The following ASTN2 variants were observed in gnomAD, a reference collection of about 807,000 sequenced individuals.
The protein encoded by ASTN2 is astrotactin 2, also known as astrotactin-2.
In ASTN2, 54 loss-of-function variants were observed where a neutral mutation model predicts 139.8. The ratio of observed to expected loss-of-function variants is 0.39; its 90% CI spans 0.31 to 0.48. The LOEUF is 0.48. ASTN2 is among the 20% of genes least tolerant of loss of function. The pLI, the probability that ASTN2 is intolerant of heterozygous loss-of-function variation, is 0.95. For synonymous variants in ASTN2, 756 were observed against 719.5 expected, an observed-to-expected ratio of 1.05 and a Z score of -0.81; for missense variants, 1,565 against 1,725.1, an observed-to-expected ratio of 0.91 and a Z score of 1.64.
chr9:117,358,247 T>G (rs1274443542), intron 1 of ASTN2, among the ~76,000 whole-genome samples: 3 of 141,678 alleles, frequency 2.1e-5, no homozygotes, highest in Non-Finnish European at 4.5e-5. Flanking sequence ...GTAATACATA[T>G]GCATACATGT....
intron 11 of ASTN2, among the ~76,000 whole-genome samples, chr9:116,830,406 G>A (rs978692568): frequency 1.3e-5 from 1 of 76,894 alleles, no homozygotes; most frequent in Non-Finnish European, 2.7e-5. Flanking sequence ...AAGGAAGACA[G>A]TATGAAGGTT....
At chr9:116,903,439 C>T (rs1301636243) in intron 10 of ASTN2, among the ~76,000 whole-genome samples, 1 of 152,148 alleles carries the variant, frequency 6.6e-6, no homozygotes, top group Non-Finnish European at 1.5e-5. Context: ...ACAGTATCTC[C>T]CATCTCACAC....
At chr9:116,662,039 A>T (rs1171364191) in intron 16 of ASTN2, among the ~76,000 whole-genome samples, 5 of 151,714 alleles carry the variant, frequency 3.3e-5, no homozygotes, top group Admixed American at 2.0e-4. Context: ...TATATATATA[A>T]AAGGTGACAA....
chr9:117,345,547 A>G (rs1373512177), intron 1 of ASTN2, among the ~76,000 whole-genome samples: 1 of 152,198 alleles, frequency 6.6e-6, no homozygotes, highest in Admixed American at 6.5e-5. Flanking sequence ...CACAGCTGAT[A>G]GGTGGCAGAG....
chr9:117,162,269 G>T (rs1437205085), intron 3 of ASTN2, among the ~76,000 whole-genome samples: 1 of 152,050 alleles, frequency 6.6e-6, no homozygotes, highest in African/African-American at 2.4e-5. Flanking sequence ...GGAGGTGAGT[G>T]CCTGCTCTCT....
In ASTN2 at chr9:116,427,542, A is replaced by G. The variant is rs28416815; in HGVS notation, c.3783-1454T>C. ...GATGCCAGGCACCCTGGGAGGCTAC[A>G]TGAGAGGTTCTCTCTCCTGCTGTCC... On this transcript the variant is annotated intron_variant, in intron 22 of 22. Transcript: ENST00000313400. 5.1e-3 allele frequency among the ~76,000 whole-genome samples: 771 copies of G among 152,356 alleles called. 4 individuals are homozygous for G. The highest frequency in any genetic ancestry group is 0.018 in the African/African-American group (738 of 41,586).
intron 17 of ASTN2, among the ~76,000 whole-genome samples, chr9:116,627,462 G>T (rs897935630): frequency 6.6e-6 from 1 of 152,194 alleles, no homozygotes; most frequent in African/African-American, 2.4e-5. Context: ...CAAGTTGCCT[G>T]CATTTGGTCC....
intron 8 of ASTN2, 76 bp from the exon 9 acceptor site, chr9:116,976,264 A>G: frequency 8.1e-7 from 1 of 1,232,264 alleles, no homozygotes; most frequent in Non-Finnish European, 1.2e-6. Context: ...ACACTGCTCT[A>G]GAGTAGCTTT....
intron 11 of ASTN2, among the ~76,000 whole-genome samples, chr9:116,853,068 A>C (rs941762251): frequency 6.6e-6 from 1 of 152,210 alleles, no homozygotes; most frequent in Admixed American, 6.5e-5. Context: ...TTAAAATTAC[A>C]TATATAAATT....
rs1230173583 is a variant in ASTN2 at position 117,016,701 on chromosome 9, CAT to C, written c.1424-8444_1424-8443del. ...ATATATAGGTTATATATATATGTTACATATATATAGGTTATATATATATGTTA... is the reference window on the plus strand; with the variant it reads ...ATATATAGGTTATATATATATGTTACATATATAGGTTATATATATATGTTA... On this transcript the variant is annotated intron_variant, in intron 6 of 22. Transcript: ENST00000313400. Among the ~76,000 whole-genome samples, 69 of 125,878 alleles carry C rather than the reference CAT, an allele frequency of 5.5e-4. No individual in the cohort carries two copies. The East Asian group carries it at 5.6e-3, about 10-fold the overall frequency. The allele number at this position is 125,878 out of a possible 152,430, so 82.6% of individuals were successfully genotyped here. A position where few individuals can be genotyped will look rare whatever the true frequency, so the allele number is the denominator to read the frequency against.
intron 10 of ASTN2, among the ~76,000 whole-genome samples, chr9:116,915,272 T>A (rs1834410158): frequency 6.6e-6 from 1 of 152,308 alleles, no homozygotes; most frequent in South Asian, 2.1e-4. Flanking sequence ...GACAAACTTC[T>A]TGGGAAGAGG....
At chr9:116,835,643 G>A (rs1266909791) in intron 11 of ASTN2, among the ~76,000 whole-genome samples, 2 of 152,126 alleles carry the variant, frequency 1.3e-5, no homozygotes, top group African/African-American at 4.8e-5. Flanking sequence ...TTTGTAAAAT[G>A]TATAAAACAA....
At chr9:116,697,852 T>C (rs775576184) in intron 16 of ASTN2, 1 of 1,614,232 alleles carries the variant, frequency 6.2e-7, no homozygotes, top group Non-Finnish European at 8.5e-7. Context: ...CCCAAGCTTC[T>C]GCACTGTGGC....
chr9:117,021,021 C>A (rs867051370), intron 6 of ASTN2, among the ~76,000 whole-genome samples: 1 of 152,112 alleles, frequency 6.6e-6, no homozygotes, highest in Non-Finnish European at 1.5e-5. Flanking sequence ...AACTGTCCCA[C>A]CTCAGCCTCC....
chr9:116,526,029 C>G (rs1166535420), intron 19 of ASTN2, among the ~76,000 whole-genome samples: 1 of 152,140 alleles, frequency 6.6e-6, no homozygotes, highest in African/African-American at 2.4e-5. Flanking sequence ...TGACATCCTA[C>G]TCATTTCTAA....
At chr9:117,350,682 A>C (rs578027418) in intron 1 of ASTN2, among the ~76,000 whole-genome samples, 2 of 152,316 alleles carry the variant, frequency 1.3e-5, no homozygotes, top group South Asian at 4.1e-4. Context: ...TGTGTATTTG[A>C]TATGATGGCA....
chr9:116,669,746 T>C (rs1389629615), intron 16 of ASTN2, among the ~76,000 whole-genome samples: 1 of 152,190 alleles, frequency 6.6e-6, no homozygotes, highest in Non-Finnish European at 1.5e-5. Flanking sequence ...ACATTGTCTT[T>C]CATAGAGCAG....
chr9:116,856,997 C>T (rs1369674521), intron 11 of ASTN2, among the ~76,000 whole-genome samples: 1 of 152,198 alleles, frequency 6.6e-6, no homozygotes, highest in Non-Finnish European at 1.5e-5. Context: ...GTTGCCCCTC[C>T]TTTCTATCCT....
intron 11 of ASTN2, among the ~76,000 whole-genome samples, chr9:116,836,087 CT>C (rs1831981215): frequency 6.6e-6 from 1 of 152,138 alleles, no homozygotes; most frequent in African/African-American, 2.4e-5. Flanking sequence ...CCAAAGGCCC[CT>C]CTTTTCAGCT....
Sources: allele counts gnomAD v4.1 joint callset (sites outside exome capture counted in the v4.1 genomes callset), GRCh38; gene constraint gnomAD v4.1.1; transcripts MANE v1.5; gene names NCBI Gene and HGNC (gene_info 2026-07-23, HGNC 2026-07-21).